TEX101: variants seen among roughly 807,000 people sequenced by gnomAD.
TEX101 encodes testis expressed 101.
In TEX101, 10 loss-of-function variants were observed where a neutral mutation model predicts 18.1. The observed-to-expected ratio is 0.55, with a 90% confidence interval of 0.34 to 0.94. TEX101 has a LOEUF of 0.94. Among genes scored for constraint, TEX101 ranks in the 40% least tolerant of loss-of-function variants. The pLI is 0.02. For synonymous variants in TEX101, 94 were observed against 114.8 expected (o/e 0.82, Z 1.16); for missense variants, 259 against 298.9 (o/e 0.87, Z 0.98).
At chr19:43,401,245 T>G (rs1970315531), upstream of TEX101, among the ~76,000 whole-genome samples, 1 of 152,256 alleles carries the variant, frequency 6.6e-6, no homozygotes, top group South Asian at 2.1e-4. Context: ...CAGAGGTTAA[T>G]GCACAGGAAA....
chr19:43,407,498 G>C (rs1057179917), intron 3 of TEX101, among the ~76,000 whole-genome samples: 2 of 150,770 alleles, frequency 1.3e-5, no homozygotes, highest in Non-Finnish European at 3.0e-5. Context: ...AAAAAAAAAA[G>C]GAAGAAAGAA....
At chr19:43,412,277 TAAG>T (rs1406261056), upstream of TEX101, among the ~76,000 whole-genome samples, 1 of 150,676 alleles carries the variant, frequency 6.6e-6, no homozygotes, top group Non-Finnish European at 1.5e-5. Flanking sequence ...CGAGAGAGAG[TAAG>T]AAGGGGAGGT....
chr19:43,409,529 T>C (rs1189632882), intron 3 of TEX101, among the ~76,000 whole-genome samples: 1 of 151,052 alleles, frequency 6.6e-6, no homozygotes, highest in Non-Finnish European at 1.5e-5. Context: ...ATATTTTACA[T>C]ATAGGGAAAA....
At chr19:43,406,095 A>AAAAAAAAAG (rs1681031984) in intron 2 of TEX101, 1 of 167,908 alleles carries the variant, frequency 6.0e-6, no homozygotes. Context: ...AAAAAAAAAA[A>AAAAAAAAAG]AAAAAAGCCA....
chr19:43,389,542 C>T, the TEX101 span, among the ~76,000 whole-genome samples: 4 of 152,160 alleles, frequency 2.6e-5, no homozygotes, highest in Non-Finnish European at 4.4e-5. Context: ...TTGGTCCTTG[C>T]CCTGGGCCCT....
At chr19:43,407,320 A>AATT (rs1970375548) in intron 3 of TEX101, among the ~76,000 whole-genome samples, 1 of 152,074 alleles carries the variant, frequency 6.6e-6, no homozygotes, top group Non-Finnish European at 1.5e-5. Context: ...CCCCATCTCT[A>AATT]CTGAAAATAC....
At position 43,407,583 on chromosome 19, in the gene TEX101, C is replaced by T. The variant is rs368507762; in HGVS notation, c.15+1064C>T. On this transcript the variant is annotated intron_variant, in intron 3 of 7. Transcript: ENST00000602198. ...GGTTGATTTCACGCTAGTGAGCATG[C>T]GTGGTTGCCATGGTGCTCTTGCCCA... 7.2e-5 allele frequency among the ~76,000 whole-genome samples: 11 copies of T among 152,308 alleles called. No homozygotes were observed. The South Asian group carries it at 1.0e-3, about 14-fold the overall frequency.
At chr19:43,406,091 A>AAAAAAAAAAAAAAAAC (rs1970360009) in intron 2 of TEX101, 1 of 166,208 alleles carries the variant, frequency 6.0e-6, no homozygotes, top group Non-Finnish European at 1.3e-5. Flanking sequence ...CAAAAAAAAA[A>AAAAAAAAAAAAAAAAC]AAAAAAAAAA....
At chr19:43,406,081 C>CA (rs34029449) in intron 2 of TEX101, 5,287 of 58,730 alleles carry the variant, frequency 0.09, 386 homozygotes, top group African/African-American at 0.13. Flanking sequence ...CCTGTCTCTA[C>CA]AAAAAAAAAA....
chr19:43,391,753 T>C, the TEX101 span, among the ~76,000 whole-genome samples: 1 of 152,202 alleles, frequency 6.6e-6, no homozygotes, highest in African/African-American at 2.4e-5. Flanking sequence ...ATCAGGGTCG[T>C]TCCCGGTCTG....
chr19:43,394,548 G>A, the TEX101 span, among the ~76,000 whole-genome samples: 4 of 150,600 alleles, frequency 2.7e-5, no homozygotes, highest in African/African-American at 9.8e-5. Context: ...TTGGCTCACT[G>A]CAACCTCTGC....
the TEX101 span, among the ~76,000 whole-genome samples, chr19:43,389,816 ATCTC>A: frequency 6.6e-6 from 1 of 151,248 alleles, no homozygotes; most frequent in African/African-American, 2.4e-5. Flanking sequence ...CATGTCCTAC[ATCTC>A]TCTCTGCTGT....
chr19:43,392,106 A>G, the TEX101 span, among the ~76,000 whole-genome samples: 1 of 152,076 alleles, frequency 6.6e-6, no homozygotes, highest in African/African-American at 2.4e-5. Context: ...GAGAGAGAAA[A>G]TGATAAAGAC....
At chr19:43,416,335 G>T in intron 3 of TEX101, 38 bp from the exon 4 acceptor site, 1 of 1,594,414 alleles carries the variant, frequency 6.3e-7, no homozygotes, top group Non-Finnish European at 8.6e-7. Context: ...AATTGTGACG[G>T]CCACCATCCA....
chr19:43,396,321 G>A, the TEX101 span, among the ~76,000 whole-genome samples: 63 of 152,134 alleles, frequency 4.1e-4, no homozygotes, highest in Non-Finnish European at 5.1e-4. Flanking sequence ...AATTTTAGTC[G>A]TGTTCCACTT....
chr19:43,418,035 C>G (rs372214444), intron 5 of TEX101, 29 bp downstream of exon 5: 1 of 1,613,908 alleles, frequency 6.2e-7, no homozygotes, highest in Non-Finnish European at 8.5e-7. Context: ...CTGATAGTTT[C>G]AGAGGCTGGA....
At chr19:43,389,125 C>T in the TEX101 span, among the ~76,000 whole-genome samples, 1 of 152,220 alleles carries the variant, frequency 6.6e-6, no homozygotes, top group African/African-American at 2.4e-5. Context: ...GGCATCTGCA[C>T]CAGGACTTCC....
At chr19:43,399,075 G>A (rs1407406655), upstream of TEX101, among the ~76,000 whole-genome samples, 1 of 152,188 alleles carries the variant, frequency 6.6e-6, no homozygotes, top group Non-Finnish European at 1.5e-5. Flanking sequence ...GAGCAGACAT[G>A]TTGTCTTATA....
chr19:43,418,345 G>T lies in TEX101; in HGVS notation c.698G>T (p.Gly233Val), dbSNP rs748485642. 1.9e-6 allele frequency: 3 copies of T among 1,614,120 alleles called. No homozygotes were observed. The highest frequency in any genetic ancestry group is 2.5e-6 in the Non-Finnish European group (3 of 1,180,024). The change falls in exon 6 of 6, where the codon GGG (glycine) becomes GTG (valine). Residue 233 changes from glycine (G) to valine (V), a missense_variant. Gly to Val is a moderately radical substitution (Grantham distance 109, BLOSUM62 -3). Coordinates refer to ENST00000598265, the MANE Select transcript of TEX101 (RefSeq NM_001130011.3). ...ACCTGTCTTCCCATTCCTGTTTGGG[G>T]GTTACAGCTACTGCTGCCATTGCTG... ...GATCLPIPVW[G>V]LQLLLPLLLP...
Sources: allele counts gnomAD v4.1 joint callset (sites outside exome capture counted in the v4.1 genomes callset), GRCh38; gene constraint gnomAD v4.1.1; transcripts MANE v1.5; gene names NCBI Gene and HGNC (gene_info 2026-07-23, HGNC 2026-07-21).